NDST3: variants seen among roughly 807,000 people sequenced by gnomAD.
NDST3 encodes N-deacetylase and N-sulfotransferase 3.
A neutral mutation model predicts 96.1 loss-of-function variants in NDST3; 58 were observed. The ratio of observed to expected loss-of-function variants is 0.60; its 90% CI spans 0.49 to 0.75. The LOEUF is 0.75. Among genes scored for constraint, NDST3 ranks in the 30% least tolerant of loss-of-function variants. NDST3 has a pLI of 0.00. For synonymous variants in NDST3, 333 were observed against 359.7 expected (o/e 0.93, Z 0.84); for missense variants, 788 against 1,034.2 (o/e 0.76, Z 3.27).
chr4:118,161,155 C>T (rs1035174505), intron 6 of NDST3, among the ~76,000 whole-genome samples: 24 of 152,204 alleles, frequency 1.6e-4, no homozygotes, highest in African/African-American at 5.8e-4. Flanking sequence ...TGTTTGCCTG[C>T]GTATCCACAG....
At chr4:118,189,531 T>C (rs1737169216) in intron 6 of NDST3, among the ~76,000 whole-genome samples, 1 of 152,172 alleles carries the variant, frequency 6.6e-6, no homozygotes. Context: ...GCCTGTCAAA[T>C]ATGTCAAAGG....
intron 2 of NDST3, among the ~76,000 whole-genome samples, chr4:118,073,341 C>T (rs969878619): frequency 3.3e-5 from 5 of 152,042 alleles, no homozygotes; most frequent in African/African-American, 9.7e-5. Context: ...AGCTGTGAAT[C>T]CATCTGGTCC....
chr4:118,208,198 T>C lies in NDST3; in HGVS notation c.1540-16293T>C, dbSNP rs1036704787. Among the ~76,000 whole-genome samples, 43 of 144,026 alleles carry C rather than the reference T, an allele frequency of 3.0e-4. 7 individuals carry two copies. The highest frequency in any genetic ancestry group is 1.1e-3 in the African/African-American group (41 of 38,922). 94.5% of individuals were successfully genotyped at this position (144,026 alleles called of 152,430 possible). A position where few individuals can be genotyped will look rare whatever the true frequency, so the allele number is the denominator to read the frequency against. Reference sequence around the variant, plus strand: ...GAATCTACCACTGCAAAATTTTTAATAGATACATGGTTTAGTTACAGTCTT... The same window carrying C: ...GAATCTACCACTGCAAAATTTTTAACAGATACATGGTTTAGTTACAGTCTT... On this transcript the variant is annotated intron_variant, in intron 6 of 13. Coordinates refer to ENST00000296499, the MANE Select transcript of NDST3 (RefSeq NM_004784.3).
At chr4:118,095,282 G>C (rs1729202431) in intron 2 of NDST3, among the ~76,000 whole-genome samples, 2 of 151,762 alleles carry the variant, frequency 1.3e-5, no homozygotes, top group South Asian at 2.1e-4. Flanking sequence ...AGTATGTCTA[G>C]AGCATAGTGA....
chr4:118,078,169 C>A (rs890813760), intron 2 of NDST3, among the ~76,000 whole-genome samples: 17 of 152,116 alleles, frequency 1.1e-4, no homozygotes, highest in Non-Finnish European at 2.5e-4. Context: ...TGCACTCAGC[C>A]CAGACAGGCT....
At chr4:118,079,097 C>CA (rs766182887) in intron 2 of NDST3, among the ~76,000 whole-genome samples, 49 of 152,252 alleles carry the variant, frequency 3.2e-4, no homozygotes, top group Non-Finnish European at 6.3e-4. Context: ...GCCATTCACT[C>CA]AAAAAATATT....
chr4:118,114,187 T>C (rs1402021304), intron 3 of NDST3, among the ~76,000 whole-genome samples: 2 of 152,194 alleles, frequency 1.3e-5, no homozygotes, highest in African/African-American at 4.8e-5. Flanking sequence ...GCAGCTTGGA[T>C]TGTTTTGATA....
At chr4:118,039,230 A>G (rs1724311300) in intron 1 of NDST3, among the ~76,000 whole-genome samples, 1 of 152,216 alleles carries the variant, frequency 6.6e-6, no homozygotes, top group South Asian at 2.1e-4. Flanking sequence ...CATTCTGGAT[A>G]TGCCTGATTT....
chr4:118,235,678 T>A (rs1490780719), intron 9 of NDST3, among the ~76,000 whole-genome samples: 1 of 152,184 alleles, frequency 6.6e-6, no homozygotes, highest in African/African-American at 2.4e-5. Flanking sequence ...ATCTTAGCAC[T>A]CCTGGAACCA....
intron 2 of NDST3, among the ~76,000 whole-genome samples, chr4:118,090,074 G>A (rs1422094414): frequency 4.6e-5 from 7 of 151,846 alleles, no homozygotes; most frequent in Admixed American, 2.0e-4. Context: ...AGTCCATGGG[G>A]CAACCATAGC....
At chr4:118,166,518 G>A (rs1735559626) in intron 6 of NDST3, among the ~76,000 whole-genome samples, 1 of 151,744 alleles carries the variant, frequency 6.6e-6, no homozygotes. Context: ...CAAAAAAACG[G>A]AATAGAAGGG....
At chr4:118,135,700 T>G (rs1733021943) in intron 4 of NDST3, among the ~76,000 whole-genome samples, 1 of 152,266 alleles carries the variant, frequency 6.6e-6, no homozygotes, top group East Asian at 1.9e-4. Flanking sequence ...TATGCCACAC[T>G]GCACCAGCAC....
chr4:118,121,658 T>G (rs4834661), intron 4 of NDST3, among the ~76,000 whole-genome samples: 127,571 of 152,184 alleles, frequency 0.84, 54,973 homozygotes, highest in South Asian at 0.95. Context: ...ATTCAATAAG[T>G]TTTTAATCAG....
At chr4:118,189,089 A>G (rs1251736838) in intron 6 of NDST3, among the ~76,000 whole-genome samples, 1 of 152,138 alleles carries the variant, frequency 6.6e-6, no homozygotes, top group East Asian at 1.9e-4. Context: ...TCACTCTGTT[A>G]CCCAGACTAG....
intron 6 of NDST3, among the ~76,000 whole-genome samples, chr4:118,215,037 AC>A (rs1739103411): frequency 1.3e-5 from 2 of 152,170 alleles, no homozygotes; most frequent in African/African-American, 4.8e-5. Context: ...TATTACAAGC[AC>A]ATAAAGAGCT....
chr4:118,223,607 A>AT (rs1304850612), intron 6 of NDST3, among the ~76,000 whole-genome samples: 2 of 151,962 alleles, frequency 1.3e-5, no homozygotes, highest in Non-Finnish European at 2.9e-5. Flanking sequence ...CATTTTTCTT[A>AT]TTTATTGTGT....
intron 3 of NDST3, among the ~76,000 whole-genome samples, chr4:118,109,440 T>A (rs138497215): frequency 6.6e-6 from 1 of 152,320 alleles, no homozygotes; most frequent in East Asian, 1.9e-4. Flanking sequence ...TGGGGAATGA[T>A]GCTAGCCAAT....
chr4:118,130,029 G>A (rs985939226), intron 4 of NDST3, among the ~76,000 whole-genome samples: 1 of 151,794 alleles, frequency 6.6e-6, no homozygotes, highest in Non-Finnish European at 1.5e-5. Context: ...TGTTTCAATT[G>A]GCATGGAATA....
Position 118,257,957 on chromosome 4 carries a change from T to C in NDST3, c.*2245T>C, listed in dbSNP as rs983023635. ...ATGAGAATAGGCCTCAGCAGTTATA[T>C]ACAGTGTCATGTTTTCATTTGGCAA... On this transcript the variant is annotated 3_prime_UTR_variant, in exon 14 of 14. Transcript: ENST00000296499. The C allele has an allele frequency of 2.6e-5, 4 of 152,198 alleles. No homozygotes were observed. Among genetic ancestry groups the C allele is most frequent in the Admixed American group, 1.3e-4 (2 of 15,286 alleles). The allele number at this position is 152,198 out of a possible 1,614,324, so 9.4% of individuals were successfully genotyped here.
Sources: allele counts gnomAD v4.1 joint callset (sites outside exome capture counted in the v4.1 genomes callset), GRCh38; gene constraint gnomAD v4.1.1; transcripts MANE v1.5; gene names NCBI Gene and HGNC (gene_info 2026-07-23, HGNC 2026-07-21).